The following CNTN3 variants were observed in gnomAD, a reference collection of about 807,000 sequenced individuals.
The protein encoded by CNTN3 is contactin 3.
Under a neutral mutation model 119.1 loss-of-function variants are expected in CNTN3, and 60 were observed. The observed-to-expected ratio is 0.50, with a 90% confidence interval of 0.41 to 0.62. CNTN3 has a LOEUF of 0.62. Among genes scored for constraint, CNTN3 ranks in the 20% least tolerant of loss-of-function variants. The pLI, the probability that CNTN3 is intolerant of heterozygous loss-of-function variation, is 0.00. For missense variants in CNTN3, 1,101 were observed against 1,242.4 expected (o/e 0.89, Z 1.71); for synonymous variants, 450 against 438.7 (o/e 1.03, Z -0.32).
intron 4 of CNTN3, among the ~76,000 whole-genome samples, chr3:74,446,961 A>G (rs1179274528): frequency 1.3e-5 from 2 of 152,202 alleles, no homozygotes; most frequent in Non-Finnish European, 2.9e-5. Flanking sequence ...TGGATGTAAT[A>G]CAAAATAGTT....
intron 1 of CNTN3, among the ~76,000 whole-genome samples, chr3:74,536,220 C>G (rs1221833720): frequency 6.6e-6 from 1 of 152,022 alleles, no homozygotes; most frequent in African/African-American, 2.4e-5. Context: ...CAGAGGGTCC[C>G]AAAAACGGTG....
chr3:74,452,231 G>A (rs374744098), intron 4 of CNTN3, among the ~76,000 whole-genome samples: 87 of 141,424 alleles, frequency 6.2e-4, no homozygotes, highest in African/African-American at 7.8e-4. Flanking sequence ...GGTCCTTCAC[G>A]TCCCTTGTAA....
intron 4 of CNTN3, among the ~76,000 whole-genome samples, chr3:74,467,671 C>T (rs1410144610): frequency 6.6e-6 from 1 of 152,146 alleles, no homozygotes; most frequent in African/African-American, 2.4e-5. Flanking sequence ...TCTAGCCTTT[C>T]ACAAGCCATT....
chr3:74,545,860 C>T (rs976786854), intron 1 of CNTN3, among the ~76,000 whole-genome samples: 16 of 152,124 alleles, frequency 1.1e-4, no homozygotes, highest in African/African-American at 2.7e-4. Flanking sequence ...AAGTAGTCTA[C>T]ACTTTATGCA....
At chr3:74,586,651 C>T (rs759242718) in intron 1 of CNTN3, among the ~76,000 whole-genome samples, 1 of 151,990 alleles carries the variant, frequency 6.6e-6, no homozygotes, top group African/African-American at 2.4e-5. Context: ...GTAATATCTA[C>T]CTCATGAGTT....
chr3:74,278,590 C>T (rs189061848), intron 20 of CNTN3, among the ~76,000 whole-genome samples: 7 of 152,156 alleles, frequency 4.6e-5, no homozygotes, highest in African/African-American at 9.7e-5. Context: ...CATCTCTCAC[C>T]TTATACAAAA....
intron 4 of CNTN3, among the ~76,000 whole-genome samples, chr3:74,437,563 T>G (rs552100543): frequency 6.6e-6 from 1 of 152,276 alleles, no homozygotes; most frequent in South Asian, 2.1e-4. Context: ...ACAAAAACTC[T>G]CCCTATTTGA....
intron 5 of CNTN3, among the ~76,000 whole-genome samples, chr3:74,395,374 C>CACAT (rs1705021261): frequency 7.7e-6 from 1 of 129,382 alleles, no homozygotes; most frequent in Non-Finnish European, 1.7e-5. Flanking sequence ...TATACACACA[C>CACAT]ACATACACAC....
chr3:74,468,918 T>A (rs1266288755), intron 4 of CNTN3, among the ~76,000 whole-genome samples: 1 of 152,166 alleles, frequency 6.6e-6, no homozygotes, highest in Non-Finnish European at 1.5e-5. Context: ...ATTTAGTTGT[T>A]AGTTTCAACA....
At chr3:74,442,132 T>A (rs1701975831) in intron 4 of CNTN3, among the ~76,000 whole-genome samples, 1 of 147,508 alleles carries the variant, frequency 6.8e-6, no homozygotes, top group Non-Finnish European at 1.5e-5. Context: ...AACAAACAGG[T>A]AAGTGCATGC....
At chr3:74,564,156 G>A (rs1006882214) in intron 1 of CNTN3, among the ~76,000 whole-genome samples, 2 of 152,112 alleles carry the variant, frequency 1.3e-5, no homozygotes, top group Admixed American at 1.3e-4. Context: ...ATCAAGGATG[G>A]AGTCCCATCC....
intron 1 of CNTN3, among the ~76,000 whole-genome samples, chr3:74,527,470 CT>C (rs1360217027): frequency 3.9e-5 from 6 of 151,946 alleles, no homozygotes; most frequent in African/African-American, 1.4e-4. Flanking sequence ...GGTTTCAGAG[CT>C]TCTTTCAATT....
chr3:74,321,951 C>T (rs544017763), intron 13 of CNTN3, among the ~76,000 whole-genome samples: 4 of 151,864 alleles, frequency 2.6e-5, no homozygotes, highest in Non-Finnish European at 4.4e-5. Flanking sequence ...ATGGTGAATC[C>T]GAGGTGGGCA....
At chr3:74,586,312 A>G (rs919766637) in intron 1 of CNTN3, among the ~76,000 whole-genome samples, 7 of 152,176 alleles carry the variant, frequency 4.6e-5, no homozygotes, top group Non-Finnish European at 8.8e-5. Context: ...TAATAAAATG[A>G]GAGACTGAAG....
At chr3:74,424,179 G>GA (rs1701658215) in intron 5 of CNTN3, among the ~76,000 whole-genome samples, 3 of 152,000 alleles carry the variant, frequency 2.0e-5, no homozygotes, top group African/African-American at 7.3e-5. Flanking sequence ...AGCACGATAG[G>GA]AAAATCAAAC....
intron 5 of CNTN3, among the ~76,000 whole-genome samples, chr3:74,381,205 G>A (rs1704615581): frequency 6.6e-6 from 1 of 151,082 alleles, no homozygotes; most frequent in Admixed American, 6.6e-5. Flanking sequence ...TATCTTAAAA[G>A]GAATCTTTTA....
chr3:74,435,409 T>A (rs1201796685), intron 4 of CNTN3, among the ~76,000 whole-genome samples: 2 of 152,162 alleles, frequency 1.3e-5, no homozygotes, highest in African/African-American at 4.8e-5. Flanking sequence ...ACTCTTGGGC[T>A]CAAGCAATCC....
chr3:74,471,997 T>C (rs533589503), intron 4 of CNTN3, among the ~76,000 whole-genome samples: 4 of 152,312 alleles, frequency 2.6e-5, no homozygotes, highest in South Asian at 4.1e-4. Flanking sequence ...AACTCAAACT[T>C]TGAAGTCTCT....
chr3:74,536,766 A>G (rs1374001029), intron 1 of CNTN3, among the ~76,000 whole-genome samples: 2 of 152,098 alleles, frequency 1.3e-5, no homozygotes. Context: ...CACCAAGCCT[A>G]TTATTTCAGA....
Sources: gnomAD v4.1 joint callset for allele counts (sites outside exome capture counted in the v4.1 genomes callset) on GRCh38, gnomAD v4.1.1 for gene constraint, MANE v1.5 for transcripts, NCBI Gene and HGNC (gene_info 2026-07-23, HGNC 2026-07-21) for gene names.